The following TMEM132D variants were observed in gnomAD, a reference collection of about 807,000 sequenced individuals.
TMEM132D encodes the protein mature OL transmembrane protein.
Under a neutral mutation model 62.3 loss-of-function variants are expected in TMEM132D, and 21 were observed. The observed-to-expected ratio is 0.34, with a 90% CI of 0.24 to 0.49. TMEM132D has a LOEUF of 0.49. Ranked by LOEUF, TMEM132D falls within the 20% of genes least tolerant of loss-of-function variation. The pLI is 0.99. For synonymous variants in TMEM132D, 621 were observed against 575.6 expected (o/e 1.08, Z -1.13); for missense variants, 1,346 against 1,402.8 (o/e 0.96, Z 0.65).
intron 1 of TMEM132D, among the ~76,000 whole-genome samples, chr12:129,785,621 T>C (rs1871230585): frequency 2.6e-5 from 4 of 152,264 alleles, no homozygotes; most frequent in East Asian, 1.9e-4. Flanking sequence ...GGTGTTTGTG[T>C]GAGGGCCTTT....
chr12:129,196,775 A>G (rs55747504), intron 5 of TMEM132D, among the ~76,000 whole-genome samples: 24,225 of 152,182 alleles, frequency 0.16, 2,219 homozygotes, highest in African/African-American at 0.26. Flanking sequence ...AAAGTGATCT[A>G]AACAATTCAT....
Position 129,574,674 on chromosome 12 carries a change from T to G in TMEM132D, c.969-43469A>C, listed in dbSNP as rs568475797. On this transcript the variant is annotated intron_variant, in intron 2 of 8. Transcript: ENST00000422113. Reference sequence around the variant, plus strand: ...GAAAGGTGAGGTATCCAGGCTCACATAAGCCGTCAGCATCCACAGCGAGAT... The same window carrying G: ...GAAAGGTGAGGTATCCAGGCTCACAGAAGCCGTCAGCATCCACAGCGAGAT... 2.0e-5 allele frequency among the ~76,000 whole-genome samples: 3 copies of G among 151,802 alleles called. No individual in the cohort carries two copies. In the East Asian group the frequency reaches 5.8e-4, roughly 29 times the overall value.
chr12:129,674,989 C>T lies in TMEM132D; in HGVS notation c.968+24821G>A, dbSNP rs189314313. 2.7e-3 allele frequency among the ~76,000 whole-genome samples: 404 copies of T among 152,258 alleles called. 1 individual carries two copies. The highest frequency in any genetic ancestry group is 8.5e-3 in the African/African-American group (353 of 41,544). On this transcript the variant is annotated intron_variant, in intron 2 of 8. Coordinates refer to ENST00000422113, the MANE Select transcript of TMEM132D (RefSeq NM_133448.3). ...TTTTGGATCCTGAATAAAGTTTACT[C>T]TATTTTTGTTTCCTCTCAACAGCAT...
chr12:129,569,546 C>G (rs1877455549), intron 2 of TMEM132D, among the ~76,000 whole-genome samples: 1 of 152,178 alleles, frequency 6.6e-6, no homozygotes, highest in Non-Finnish European at 1.5e-5. Context: ...AAAGGCATTT[C>G]TCCTTGGTAT....
In TMEM132D at chr12:129,820,011, C is replaced by A. The variant is rs1390352530; in HGVS notation, c.79+83250G>T. 2.6e-5 allele frequency among the ~76,000 whole-genome samples: 4 copies of A among 152,048 alleles called. No individual in the cohort carries two copies. In the South Asian group the frequency reaches 8.3e-4, roughly 32 times the overall value. ...TCATGGCAGCTGAGGTTTCTCTCAG[C>A]CCTTCCTCCATGAAAAGCTCAGCAC... On this transcript the variant is annotated intron_variant, in intron 1 of 8. Transcript: ENST00000422113.
chr12:129,625,137 G>T (rs1402544485), intron 2 of TMEM132D, among the ~76,000 whole-genome samples: 1 of 152,094 alleles, frequency 6.6e-6, no homozygotes, highest in Non-Finnish European at 1.5e-5. Flanking sequence ...AGTCTCATTG[G>T]CTCTCCCAGG....
intron 1 of TMEM132D, among the ~76,000 whole-genome samples, chr12:129,768,696 G>A (rs759985899): frequency 1.6e-3 from 238 of 152,238 alleles, no homozygotes; most frequent in African/African-American, 4.8e-3. Flanking sequence ...ACAGTGCTGG[G>A]GAGCCTGATG....
At chr12:129,866,745 T>C (rs1447788154) in intron 1 of TMEM132D, among the ~76,000 whole-genome samples, 1 of 152,076 alleles carries the variant, frequency 6.6e-6, no homozygotes, top group Non-Finnish European at 1.5e-5. Context: ...AGAACTCCCA[T>C]ATGATCTAGC....
Position 129,827,965 on chromosome 12 carries a change from T to TATTTTATGATAATGATAAATGATAA in TMEM132D, c.79+75295_79+75296insTTATCATTTATCATTATCATAAAAT, listed in dbSNP as rs1872705368. On this transcript the variant is annotated intron_variant, in intron 1 of 8. Transcript: ENST00000422113. This position sits in a 1 kb window ranked among gnomAD's most constrained non-coding sequence, Gnocchi z 9.7. Reference sequence around the variant, plus strand: ...ATAACTTGCTAAGTAATGATAAATGTATGATAATTTATTCTAAGTAAAATG... The same window carrying TATTTTATGATAATGATAAATGATAA: ...ATAACTTGCTAAGTAATGATAAATGTATTTTATGATAATGATAAATGATAAATGATAATTTATTCTAAGTAAAATG... 6.6e-6 allele frequency among the ~76,000 whole-genome samples: 1 copy of TATTTTATGATAATGATAAATGATAA among 152,196 alleles called. No individual in the cohort carries two copies. Among genetic ancestry groups the TATTTTATGATAATGATAAATGATAA allele is most frequent in the Non-Finnish European group, 1.5e-5 (1 of 68,042 alleles).
intron 4 of TMEM132D, among the ~76,000 whole-genome samples, chr12:129,324,901 T>C (rs1452609313): frequency 6.6e-6 from 1 of 152,222 alleles, no homozygotes; most frequent in East Asian, 1.9e-4. Context: ...GTCTTCTTTG[T>C]CATTGCTGTT....
Position 129,136,928 on chromosome 12 carries a change from T to C in TMEM132D, c.1444-52226A>G, listed in dbSNP as rs532426537. 3.7e-3 allele frequency among the ~76,000 whole-genome samples: 516 copies of C among 139,056 alleles called. 3 individuals carry two copies. Among genetic ancestry groups the C allele is most frequent in the African/African-American group, 0.013 (482 of 36,948 alleles). 91.2% of individuals were successfully genotyped at this position (139,056 alleles called of 152,430 possible). ...CATCATCATCACCATACCACCACCA[T>C]CATCATCATCATCGCCACCATCATC... On this transcript the variant is annotated intron_variant, in intron 5 of 8. Transcript: ENST00000422113.
intron 2 of TMEM132D, among the ~76,000 whole-genome samples, chr12:129,677,174 CAT>C (rs1880651396): frequency 6.6e-6 from 1 of 152,214 alleles, no homozygotes; most frequent in African/African-American, 2.4e-5. Context: ...ACAATTCCCA[CAT>C]GTCATGAGAG....
chr12:129,121,441 C>T (rs1294299145), intron 5 of TMEM132D, among the ~76,000 whole-genome samples: 1 of 152,068 alleles, frequency 6.6e-6, no homozygotes, highest in Non-Finnish European at 1.5e-5. Context: ...CCTAAATTAT[C>T]CAGGTGGAAC....
intron 1 of TMEM132D, among the ~76,000 whole-genome samples, chr12:129,808,070 A>T (rs1264885884): frequency 6.6e-6 from 1 of 152,240 alleles, no homozygotes; most frequent in South Asian, 2.1e-4. Flanking sequence ...TATAGAACTC[A>T]ATTTAGGAAA....
At chr12:129,818,170 GTGTA>G (rs1226781027) in intron 1 of TMEM132D, among the ~76,000 whole-genome samples, 6 of 145,498 alleles carry the variant, frequency 4.1e-5, no homozygotes, top group African/African-American at 1.0e-4. Flanking sequence ...GTATGTGTGT[GTGTA>G]TGTGTGTGTG....
chr12:129,572,939 A>T (rs1877558759), intron 2 of TMEM132D, among the ~76,000 whole-genome samples: 1 of 152,200 alleles, frequency 6.6e-6, no homozygotes, highest in South Asian at 2.1e-4. Flanking sequence ...CGACTTCTAT[A>T]CTTCATTGAG....
At chr12:129,475,097 T>G (rs757458321) in intron 3 of TMEM132D, among the ~76,000 whole-genome samples, 18 of 152,108 alleles carry the variant, frequency 1.2e-4, no homozygotes, top group Non-Finnish European at 1.3e-4. Flanking sequence ...TATGTATTAC[T>G]ATAAACTGGG....
At chr12:129,151,818 T>C (rs149514527) in intron 5 of TMEM132D, among the ~76,000 whole-genome samples, 2 of 152,160 alleles carry the variant, frequency 1.3e-5, no homozygotes, top group African/African-American at 2.4e-5. Context: ...TATTTGTATA[T>C]TACCTGGACG....
In TMEM132D at chr12:129,531,223, T is replaced by C. The variant is rs758375512; in HGVS notation, c.969-18A>G. 2 of 1,598,604 alleles carry C rather than the reference T, an allele frequency of 1.3e-6. No homozygotes were observed. The highest frequency in any genetic ancestry group is 1.1e-5 in the South Asian group (1 of 89,668). On this transcript the variant is annotated intron_variant, in intron 2 of 8. Transcript: ENST00000422113. ...CCTTTGCCCTGTTGGAGACAGCACGTGTGGGTCTGAGTCAGCTCTGGGGAA... is the reference window on the plus strand; with the variant it reads ...CCTTTGCCCTGTTGGAGACAGCACGCGTGGGTCTGAGTCAGCTCTGGGGAA...
Sources: allele counts gnomAD v4.1 joint callset (sites outside exome capture counted in the v4.1 genomes callset), GRCh38; gene constraint gnomAD v4.1.1; non-coding constraint Gnocchi (gnomAD v3.1); transcripts MANE v1.5; gene names NCBI Gene and HGNC (gene_info 2026-07-23, HGNC 2026-07-21).